CNTNAP5: variants seen among roughly 807,000 people sequenced by gnomAD.
The protein encoded by CNTNAP5 is contactin associated protein family member 5, also known as contactin-associated protein-like 5.
Under a neutral mutation model 150.2 loss-of-function variants are expected in CNTNAP5, and 72 were observed. The ratio of observed to expected loss-of-function variants is 0.48; its 90% CI spans 0.40 to 0.58. The LOEUF is 0.58. CNTNAP5 is among the 20% of genes least tolerant of loss of function. CNTNAP5 has a pLI of 0.00. For synonymous variants in CNTNAP5, 672 were observed against 619.8 expected (o/e 1.08, Z -1.25); for missense variants, 1,636 against 1,626.2 (o/e 1.01, Z -0.10).
intron 11 of CNTNAP5, among the ~76,000 whole-genome samples, chr2:124,590,830 AC>A (rs1696661683): frequency 6.6e-6 from 1 of 152,152 alleles, no homozygotes; most frequent in African/African-American, 2.4e-5. Context: ...GTGCAGAAAC[AC>A]CACATCTCTG....
intron 13 of CNTNAP5, among the ~76,000 whole-genome samples, chr2:124,653,959 T>C (rs1363056415): frequency 1.7e-5 from 2 of 117,232 alleles, no homozygotes; most frequent in Non-Finnish European, 3.2e-5. Context: ...TTGAAAGTGA[T>C]GCTGAAAGGT....
chr2:124,706,806 G>GGAGGAT, intron 13 of CNTNAP5, among the ~76,000 whole-genome samples: 1 of 11,424 alleles, frequency 8.8e-5, no homozygotes, highest in Non-Finnish European at 1.7e-4. Context: ...AGGAGGAGGA[G>GGAGGAT]GAGGAGGAGG....
At chr2:124,102,876 A>G (rs75437899) in intron 1 of CNTNAP5, among the ~76,000 whole-genome samples, 14,137 of 152,262 alleles carry the variant, frequency 0.093, 781 homozygotes, top group Non-Finnish European at 0.13. Context: ...CACAATAAAT[A>G]TTAGCTCTTC....
chr2:124,652,461 C>T (rs1368424731), intron 13 of CNTNAP5, among the ~76,000 whole-genome samples: 1 of 152,154 alleles, frequency 6.6e-6, no homozygotes, highest in East Asian at 1.9e-4. Context: ...TTGTCAGCAC[C>T]TTCATAGGCA....
In CNTNAP5 at chr2:124,276,768, A is replaced by G. The variant is rs114765294; in HGVS notation, c.381+34375A>G. ...TTTAAGTATTACACATTTAAAGACTATTATAGACAAATGAGTGTGCACCCA... is the reference window on the plus strand; with the variant it reads ...TTTAAGTATTACACATTTAAAGACTGTTATAGACAAATGAGTGTGCACCCA... On this transcript the variant is annotated intron_variant, in intron 3 of 23. Transcript: ENST00000682447. Among the ~76,000 whole-genome samples, 935 of 152,276 alleles carry G rather than the reference A, an allele frequency of 6.1e-3. 16 individuals are homozygous for G. Among genetic ancestry groups the G allele is most frequent in the African/African-American group, 0.021 (885 of 41,576 alleles).
At chr2:124,842,653 G>A (rs1023904736) in intron 19 of CNTNAP5, among the ~76,000 whole-genome samples, 1 of 152,186 alleles carries the variant, frequency 6.6e-6, no homozygotes, top group Non-Finnish European at 1.5e-5. Flanking sequence ...AATAGAAGAA[G>A]ATAATTGTTG....
chr2:124,361,427 C>T (rs1201799863), intron 3 of CNTNAP5, among the ~76,000 whole-genome samples: 1 of 143,282 alleles, frequency 7.0e-6, no homozygotes, highest in Non-Finnish European at 1.5e-5. Context: ...GTTTTTTCCC[C>T]ATCTTTGTGG....
chr2:124,536,064 A>G lies in CNTNAP5; in HGVS notation c.1649+8608A>G, dbSNP rs528852266. On this transcript the variant is annotated intron_variant, in intron 10 of 23. Transcript: ENST00000682447. ...AAAGCCTTTACATTGGGCGCCAGAA[A>G]AGCCATTGGAAGGGCAGTGCCCACA... is the stretch of plus-strand genomic sequence containing the variant. Among the ~76,000 whole-genome samples, 3 of 152,290 alleles carry G rather than the reference A, an allele frequency of 2.0e-5. No individual in the cohort carries two copies. In the East Asian group the frequency reaches 5.8e-4, roughly 29 times the overall value.
At chr2:124,400,701 T>C (rs529556721) in intron 3 of CNTNAP5, among the ~76,000 whole-genome samples, 5 of 149,714 alleles carry the variant, frequency 3.3e-5, no homozygotes, top group African/African-American at 9.8e-5. Context: ...TTTTTTTCTT[T>C]AGTGGAATGT....
At chr2:124,864,573 TCA>T (rs10531893) in intron 19 of CNTNAP5, among the ~76,000 whole-genome samples, 99,357 of 149,760 alleles carry the variant, frequency 0.66, 33,074 homozygotes, top group East Asian at 0.86. Context: ...TCTCTGTGTC[TCA>T]CACACACACA....
intron 3 of CNTNAP5, among the ~76,000 whole-genome samples, chr2:124,322,164 TAA>T (rs1366414865): frequency 7.5e-5 from 3 of 40,236 alleles, no homozygotes; most frequent in Non-Finnish European, 1.5e-4. Context: ...ATAATAATAA[TAA>T]AATAAAATAA....
rs544346772 is a variant in CNTNAP5 at position 124,906,648 on chromosome 2, A to C, written c.3655+3548A>C. ...CTCTCTTTTATATGGCAGGACTCTT[A>C]GCCAAGACTTTTAGCCTGAGATCTG... is the stretch of plus-strand genomic sequence containing the variant. On this transcript the variant is annotated intron_variant, in intron 22 of 23. Transcript: ENST00000682447. 9.2e-5 allele frequency among the ~76,000 whole-genome samples: 14 copies of C among 152,324 alleles called. No individual in the cohort carries two copies. In the East Asian group the frequency reaches 2.7e-3, roughly 29 times the overall value.
chr2:124,315,911 T>C (rs1688947737), intron 3 of CNTNAP5, among the ~76,000 whole-genome samples: 2 of 152,312 alleles, frequency 1.3e-5, no homozygotes, highest in African/African-American at 4.8e-5. Flanking sequence ...TTCATTCTCA[T>C]CTTGAACAGA....
intron 3 of CNTNAP5, among the ~76,000 whole-genome samples, chr2:124,323,165 C>T (rs577603684): frequency 6.6e-6 from 1 of 152,148 alleles, no homozygotes; most frequent in African/African-American, 2.4e-5. Context: ...ACAGGAGACC[C>T]ATGTGTGCCC....
At chr2:124,379,618 G>A (rs768772963) in intron 3 of CNTNAP5, among the ~76,000 whole-genome samples, 4 of 151,702 alleles carry the variant, frequency 2.6e-5, no homozygotes, top group East Asian at 2.0e-4. Context: ...ATAAATAACT[G>A]TGTGCAAGTT....
At chr2:124,707,896 A>C (rs1679725414) in intron 13 of CNTNAP5, among the ~76,000 whole-genome samples, 1 of 152,220 alleles carries the variant, frequency 6.6e-6, no homozygotes, top group Admixed American at 6.5e-5. Context: ...AGTAAAAGTG[A>C]CGACAAATAA....
intron 12 of CNTNAP5, among the ~76,000 whole-genome samples, chr2:124,627,378 G>T (rs2105004575): frequency 6.6e-6 from 1 of 152,320 alleles, no homozygotes; most frequent in East Asian, 1.9e-4. Context: ...AGAGGAAGGA[G>T]CAGGCAGCAA....
chr2:124,899,132 T>G (rs1201836208), intron 21 of CNTNAP5, among the ~76,000 whole-genome samples: 1 of 151,504 alleles, frequency 6.6e-6, no homozygotes, highest in East Asian at 1.9e-4. Context: ...TATCAAAACA[T>G]CATGTTGTGC....
chr2:124,731,457 G>T (rs1370334756), intron 13 of CNTNAP5, among the ~76,000 whole-genome samples: 2 of 151,784 alleles, frequency 1.3e-5, no homozygotes, highest in Non-Finnish European at 2.9e-5. Flanking sequence ...TTGTGCTAAG[G>T]CGTTTAAAAA....
Sources: allele counts gnomAD v4.1 joint callset (sites outside exome capture counted in the v4.1 genomes callset), GRCh38; gene constraint gnomAD v4.1.1; transcripts MANE v1.5; gene names NCBI Gene and HGNC (gene_info 2026-07-23, HGNC 2026-07-21).